APOL4: variants seen among roughly 807,000 people sequenced by gnomAD.
APOL4 encodes the protein apolipoprotein L4.
APOL4 carries 14 observed loss-of-function variants against 12.1 expected under a neutral mutation model. The ratio of observed to expected loss-of-function variants is 1.16; its 90% CI spans 0.76 to 1.81. APOL4 has a LOEUF of 1.81. APOL4 is among the 40% of genes most tolerant of loss of function. The probability of loss-of-function intolerance (pLI) is 0.00; values close to 1 mark genes in which losing one functional copy is unlikely to be tolerated. For missense variants in APOL4, 432 were observed against 423.1 expected, an observed-to-expected ratio of 1.02 and a Z score of -0.18; for synonymous variants, 171 against 160.6, an observed-to-expected ratio of 1.06 and a Z score of -0.49.
chr22:36,194,909 C>A (rs1040615719), intron 3 of APOL4, among the ~76,000 whole-genome samples: 4 of 152,238 alleles, frequency 2.6e-5, no homozygotes, highest in African/African-American at 9.6e-5. Flanking sequence ...GCCCTGGTCT[C>A]TTGCCAGCAA....
chr22:36,199,889 G>C (rs1450406603), intron 1 of APOL4, among the ~76,000 whole-genome samples: 2 of 152,102 alleles, frequency 1.3e-5, no homozygotes, highest in Admixed American at 1.3e-4. Context: ...CTCACTGCAA[G>C]CGCCGCCTCC....
In APOL4 at chr22:36,189,951, G is replaced by T; in HGVS notation, c.*1124C>A. The T allele has an allele frequency of 4.8e-6, 1 of 209,000 alleles. No individual in the cohort carries two copies. The highest frequency in any genetic ancestry group is 4.3e-5 in the Admixed American group (1 of 22,998). 12.9% of individuals were successfully genotyped at this position (209,000 alleles called of 1,614,324 possible). A position where few individuals can be genotyped will look rare whatever the true frequency, so the allele number is the denominator to read the frequency against. ...TGCGTTTTGTCCCGGCCTGTGTCTG[G>T]CTCACCTTCCCTGGTGGCTGCACTG... is the stretch of plus-strand genomic sequence containing the variant. On this transcript the variant is annotated 3_prime_UTR_variant, in exon 4 of 4. Transcript: ENST00000683024.
In APOL4 at chr22:36,191,828, T is replaced by C; in HGVS notation, c.294A>G (p.Glu98=). 1 of 1,613,966 alleles carries C rather than the reference T, an allele frequency of 6.2e-7. No homozygotes were observed. Among genetic ancestry groups the C allele is most frequent in the Admixed American group, 1.7e-5 (1 of 60,022 alleles). ...TCAAAAACCACTCCCTAAACTGCTG[T>C]TCTTTTTGCTGCATGTCTTTGTCCT... ...AIEDKDMQQK[E]QQFREWFLKE... The change falls in exon 4 of 4, where the codon GAA becomes GAG. Residue 98 remains glutamate, a synonymous_variant. Coordinates refer to ENST00000683024, the MANE Select transcript of APOL4 (RefSeq NM_001386885.1).
chr22:36,191,784 C>T lies in APOL4; in HGVS notation c.338G>A (p.Arg113Lys). 6.3e-7 allele frequency: 1 copy of T among 1,597,442 alleles called. No homozygotes were observed. ...TTCTATGGACTCCTGAATCTTCCAT[C>T]TGATTTGAGGAAACTCTTTCAAAAA... The part of the protein sequence containing the change: ...EWFLKEFPQI[R>K]WKIQESIERL... The change falls in exon 4 of 4, where the codon AGA (arginine) becomes AAA (lysine). Residue 113 changes from arginine (R) to lysine (K), a missense_variant. Arg to Lys is a conservative substitution (Grantham distance 26). Transcript: ENST00000683024.
chr22:36,199,870 C>T (rs1430275946), intron 1 of APOL4, among the ~76,000 whole-genome samples: 5 of 151,942 alleles, frequency 3.3e-5, no homozygotes, highest in African/African-American at 4.8e-5. Flanking sequence ...TGCAGTGGCG[C>T]GATCTCGGCT....
rs779104963 is a variant in APOL4, at chr22:36,199,334, G to A, written c.78C>T (p.Phe26=). The stretch of plus-strand genomic sequence containing the variant: ...CCAGGTCTCTGAAAGGCTTACCTTG[G>A]AACTGTCCAGCCACTGTCCAGCCTG... ...NHPGWTVAGQ[F]QEKKRFTEEV... Residue 26 remains phenylalanine (F), a synonymous_variant, in exon 2 of 4, where the codon TTC becomes TTT. Transcript: ENST00000683024. The A allele has an allele frequency of 3.1e-6, 5 of 1,614,058 alleles. No individual in the cohort carries two copies. Among genetic ancestry groups the A allele is most frequent in the Non-Finnish European group, 3.4e-6 (4 of 1,179,908 alleles).
intron 2 of APOL4, chr22:36,197,590 T>C (rs1324110103): frequency 2.0e-6 from 3 of 1,476,968 alleles, no homozygotes; most frequent in Non-Finnish European, 2.7e-6. Flanking sequence ...TAACCCCCCA[T>C]GAAACTGCAA....
At chr22:36,199,059 T>G in intron 2 of APOL4, among the ~76,000 whole-genome samples, 1 of 152,158 alleles carries the variant, frequency 6.6e-6, no homozygotes, top group Middle Eastern at 3.2e-3. Context: ...ACTTAAGTCA[T>G]TTGCTAGGTG....
At chr22:36,197,763 A>G (rs1402616172) in intron 2 of APOL4, 3 of 1,550,444 alleles carry the variant, frequency 1.9e-6, no homozygotes, top group Non-Finnish European at 1.7e-6. Context: ...GCAGGTTCAC[A>G]TAATGGACAC....
chr22:36,191,238 C>A lies in APOL4; in HGVS notation c.884G>T (p.Gly295Val), dbSNP rs766515285. 3 of 1,614,022 alleles carry A rather than the reference C, an allele frequency of 1.9e-6. No homozygotes were observed. The highest frequency in any genetic ancestry group is 2.2e-5 in the South Asian group (2 of 91,080). Residue 295 changes from glycine to valine, a missense_variant, in exon 4 of 4, where the codon GGT (glycine) becomes GTT (valine). Coordinates refer to ENST00000683024, the MANE Select transcript of APOL4 (RefSeq NM_001386885.1). The part of the protein sequence containing the change: ...VARNLGKATS[G>V]VLVVLDVVNL... The stretch of plus-strand genomic sequence containing the variant: ...GACTACATCCAGCACAACAAGGACA[C>A]CTGAAGTGGCCTTGCCCAGGTTCCG...
At chr22:36,201,974 G>A, upstream of APOL4, 2 of 1,614,058 alleles carry the variant, frequency 1.2e-6, no homozygotes, top group South Asian at 1.1e-5. Flanking sequence ...CCCACCTCAG[G>A]GCTCTGAGCC....
intron 1 of APOL4, chr22:36,201,439 C>T (rs1007197991): frequency 4.3e-6 from 4 of 939,900 alleles, no homozygotes; most frequent in Middle Eastern, 3.5e-4. Context: ...TCTTCTGGGG[C>T]CCCCATGCAA....
upstream of APOL4, chr22:36,201,932 CA>C (rs1361025406): frequency 4.5e-5 from 72 of 1,613,094 alleles, no homozygotes; most frequent in Non-Finnish European, 5.9e-5. Context: ...AAGCCCTGCC[CA>C]ATTGTGCAGC....
intron 2 of APOL4, among the ~76,000 whole-genome samples, chr22:36,198,891 C>T (rs554231502): frequency 2.6e-5 from 4 of 152,124 alleles, no homozygotes; most frequent in Non-Finnish European, 5.9e-5. Context: ...GGGAGGGGAC[C>T]GGCCTCTGCT....
At chr22:36,197,647 A>G in intron 2 of APOL4, 1 of 1,548,238 alleles carries the variant, frequency 6.5e-7, no homozygotes. Context: ...CTTCTGTCAG[A>G]CACAAACACA....
At chr22:36,197,556 C>A in intron 2 of APOL4, 1 of 1,398,730 alleles carries the variant, frequency 7.1e-7, no homozygotes, top group Non-Finnish European at 9.3e-7. Flanking sequence ...GCAAACAAAA[C>A]CAACCAGACC....
At chr22:36,194,937 G>A (rs1245948095) in intron 3 of APOL4, among the ~76,000 whole-genome samples, 3 of 152,194 alleles carry the variant, frequency 2.0e-5, no homozygotes, top group African/African-American at 4.8e-5. Flanking sequence ...AAAAGGTAAC[G>A]CTAACTGAGC....
chr22:36,191,306 C>G lies in APOL4; in HGVS notation c.816G>C (p.Leu272=). 6.2e-7 allele frequency: 1 copy of G among 1,614,036 alleles called. No individual in the cohort carries two copies. The highest frequency in any genetic ancestry group is 8.5e-7 in the Non-Finnish European group (1 of 1,179,902). The change falls in exon 4 of 4, where the codon CTG becomes CTC. Residue 272 remains leucine (L), a synonymous_variant. Transcript: ENST00000683024. ...TCCGGGTGGGGGCCCCACGTGTTCT[C>G]AGTGTCTCAACAACATTTATAGGTA... ...RYVPINVVET[L]RTRGAPTRIV... is the part of the protein sequence containing the mutation.
intron 2 of APOL4, chr22:36,197,900 C>T (rs2146944339): frequency 2.0e-6 from 3 of 1,475,014 alleles, no homozygotes; most frequent in East Asian, 2.5e-5. Flanking sequence ...GTCTGACCCA[C>T]CTTTCACCCC....
Sources: gnomAD v4.1 joint callset for allele counts (sites outside exome capture counted in the v4.1 genomes callset) on GRCh38, gnomAD v4.1.1 for gene constraint, MANE v1.5 for transcripts, NCBI Gene and HGNC (gene_info 2026-07-23, HGNC 2026-07-21) for gene names.